The following TNRC18 variants were observed in gnomAD, a reference collection of about 807,000 sequenced individuals.
TNRC18 encodes trinucleotide repeat-containing gene 18 protein.
In TNRC18, 69 loss-of-function variants were observed where a neutral mutation model predicts 226.7. That is an observed-to-expected ratio of 0.30 (90% confidence interval 0.25 to 0.37). The LOEUF (loss-of-function observed/expected upper bound fraction) is 0.37, where lower values mean the gene tolerates loss of function less well. TNRC18 is among the 10% of genes least tolerant of loss of function. The pLI is 1.00. For missense variants in TNRC18, 4,754 were observed against 4,256.6 expected (o/e 1.12, Z -3.25); for synonymous variants, 2,449 against 1,927.6 (o/e 1.27, Z -7.09).
At chr7:5,367,275 G>T (rs546125214) in intron 11 of TNRC18, among the ~76,000 whole-genome samples, 21 of 151,980 alleles carry the variant, frequency 1.4e-4, no homozygotes, top group Non-Finnish European at 2.6e-4. Flanking sequence ...TGAGGCAGGA[G>T]AATCACCTGA....
At chr7:5,335,300 T>TGAAAAA (rs1562508489) in intron 18 of TNRC18, among the ~76,000 whole-genome samples, 2 of 10,620 alleles carry the variant, frequency 1.9e-4, no homozygotes, top group African/African-American at 3.6e-4. Flanking sequence ...AGAATCTGTC[T>TGAAAAA]CAAAAAAAAA....
chr7:5,389,237 G>A lies in TNRC18; in HGVS notation c.587C>T (p.Ala196Val). ...PGGGHSSGAP[A>V]KGSSSRDGPA... ...ACCGTCCCGCGACGACGAGCCTTTGGCCGGGGCGCCCGAGGAGTGGCCGCC... is the reference window on the plus strand; with the variant it reads ...ACCGTCCCGCGACGACGAGCCTTTGACCGGGGCGCCCGAGGAGTGGCCGCC... Residue 196 changes from alanine (A) to valine (V), a missense_variant, in exon 5 of 30, where the codon GCC becomes GTC. Transcript: ENST00000430969. The A allele has an allele frequency of 7.5e-7, 1 of 1,332,528 alleles. No individual in the cohort carries two copies. The highest frequency in any genetic ancestry group is 9.6e-7 in the Non-Finnish European group (1 of 1,043,494). 82.5% of individuals were successfully genotyped at this position (1,332,528 alleles called of 1,614,324 possible).
rs188349737 is a variant in TNRC18 at position 5,370,415 on chromosome 7, G to A, written c.4179C>T (p.Ile1393=). Residue 1393 remains isoleucine (I), a synonymous_variant, in exon 11 of 30, where the codon ATC becomes ATT. Transcript: ENST00000430969. ...FLHGITLLSE[I]AELELERRSQ... ...TCCTCCTCTCCAGCTCCAGCTCTGC[G>A]ATCTCACTTAGCAGGGTGATGCCAT... is the stretch of plus-strand genomic sequence containing the variant. 92 of 1,552,414 alleles carry A rather than the reference G, an allele frequency of 5.9e-5. No homozygotes were observed. The highest frequency in any genetic ancestry group is 9.8e-5 in the Admixed American group (5 of 51,094).
chr7:5,329,310 A>G (rs1335936404), intron 19 of TNRC18, among the ~76,000 whole-genome samples: 1 of 151,920 alleles, frequency 6.6e-6, no homozygotes, highest in Non-Finnish European at 1.5e-5. Context: ...TTTAAAAAAA[A>G]AAAAAAGATA....
rs2128099845 is a variant in TNRC18, at chr7:5,309,256, T to C, written c.8501A>G (p.Asn2834Ser). ...CAVFLSAGRP[N>S]LPYIGRIQSM... Reference sequence around the variant, plus strand: ...CTGGATGCGGCCGATGTAGGGCAGGTTGGGGCGGCCGGCAGAGAGGAACAC... The same window carrying C: ...CTGGATGCGGCCGATGTAGGGCAGGCTGGGGCGGCCGGCAGAGAGGAACAC... The change falls in exon 28 of 30, where the codon AAC (asparagine) becomes AGC (serine). Residue 2834 changes from asparagine to serine, a missense_variant. Asn to Ser is a conservative substitution (Grantham distance 46). Coordinates refer to ENST00000430969, the MANE Select transcript of TNRC18 (RefSeq NM_001080495.3). This position sits in a 1 kb window ranked among gnomAD's most constrained non-coding sequence, Gnocchi z 5.7. 5 of 1,613,840 alleles carry C rather than the reference T, an allele frequency of 3.1e-6. No individual in the cohort carries two copies. The highest frequency in any genetic ancestry group is 4.2e-6 in the Non-Finnish European group (5 of 1,179,802).
In TNRC18 at chr7:5,420,185, C is replaced by G. The variant is rs1209854887; in HGVS notation, c.187+875G>C. ...CCCGGCGCAGCGCCCGCCCGGGTACCGTCCCCACCGCGCCTGGGCAGCCCG... is the reference window on the plus strand; with the variant it reads ...CCCGGCGCAGCGCCCGCCCGGGTACGGTCCCCACCGCGCCTGGGCAGCCCG... On this transcript the variant is annotated intron_variant, in intron 2 of 29. Transcript: ENST00000430969. The G allele has an allele frequency of 2.0e-5, 7 of 343,682 alleles. No individual in the cohort carries two copies. In the East Asian group the frequency reaches 3.5e-4, roughly 17 times the overall value. The allele number at this position is 343,682 out of a possible 1,614,324, so 21.3% of individuals were successfully genotyped here.
intron 12 of TNRC18, among the ~76,000 whole-genome samples, chr7:5,362,282 C>A (rs1033255341): frequency 6.6e-6 from 1 of 152,150 alleles, no homozygotes; most frequent in Non-Finnish European, 1.5e-5. Context: ...CGTGTGACAC[C>A]TGCTCCATCA....
chr7:5,369,296 C>G (rs1448852520), intron 11 of TNRC18, among the ~76,000 whole-genome samples: 1 of 152,092 alleles, frequency 6.6e-6, no homozygotes, highest in East Asian at 1.9e-4. Context: ...CTGCAGTGAG[C>G]CGAGATGACA....
rs1404142922 is a variant in TNRC18 at position 5,307,779 on chromosome 7, C to G, written c.*327G>C. The G allele has an allele frequency of 9.9e-6, 4 of 405,032 alleles. No individual in the cohort carries two copies. Among genetic ancestry groups the G allele is most frequent in the Admixed American group, 7.7e-5 (2 of 25,974 alleles). The allele number at this position is 405,032 out of a possible 1,614,324, so 25.1% of individuals were successfully genotyped here. On this transcript the variant is annotated 3_prime_UTR_variant, in exon 30 of 30. Coordinates refer to ENST00000430969, the MANE Select transcript of TNRC18 (RefSeq NM_001080495.3). ...TGGGGGCACCCGGGCCCCCACGCAG[C>G]AGCAGCCTGGAGGGCCGGCCTGGCC...
intron 18 of TNRC18, among the ~76,000 whole-genome samples, chr7:5,333,336 T>G (rs762882590): frequency 6.6e-6 from 1 of 152,144 alleles, no homozygotes; most frequent in African/African-American, 2.4e-5. Flanking sequence ...CCCATGTGAC[T>G]TGTGGAAATC....
Position 5,377,333 on chromosome 7 carries a change from C to CCCCCAA in TNRC18, c.2461+37_2461+38insTTGGGG. 2.2e-6 allele frequency: 3 copies of CCCCCAA among 1,345,582 alleles called. No individual in the cohort carries two copies. The highest frequency in any genetic ancestry group is 3.0e-6 in the Non-Finnish European group (3 of 988,664). The allele number at this position is 1,345,582 out of a possible 1,614,324, so 83.4% of individuals were successfully genotyped here. On this transcript the variant is annotated intron_variant, in intron 7 of 29. Coordinates refer to ENST00000430969, the MANE Select transcript of TNRC18 (RefSeq NM_001080495.3). The surrounding 1 kb of genome is among the most constrained non-coding windows in gnomAD (Gnocchi z 5.8). ...CTGCACCCGCCCCCTCCCACCCCTC[C>CCCCCAA]CTCAGAGAAGGGGAGAGACCCTGTG...
intron 5 of TNRC18, among the ~76,000 whole-genome samples, chr7:5,382,746 C>T (rs1384454986): frequency 1.3e-5 from 2 of 152,156 alleles, no homozygotes; most frequent in Non-Finnish European, 2.9e-5. Flanking sequence ...CAGCTCAGGG[C>T]TCCCCGCTCA....
chr7:5,423,378 A>T (rs1194616216), intron 1 of TNRC18, 63 bp downstream of exon 1: 1 of 152,132 alleles, frequency 6.6e-6, no homozygotes, highest in African/African-American at 2.4e-5. Context: ...TTGGGGGGCG[A>T]GCTGGAGAAG....
Position 5,388,267 on chromosome 7 carries a change from G to A in TNRC18, c.1557C>T (p.Ala519=), listed in dbSNP as rs774636674. The A allele has an allele frequency of 1.5e-5, 24 of 1,609,006 alleles. No homozygotes were observed. The highest frequency in any genetic ancestry group is 2.2e-5 in the East Asian group (1 of 44,752). The change falls in exon 5 of 30, where the codon GCC becomes GCT. Residue 519 remains alanine, a synonymous_variant. Transcript: ENST00000430969. ...CGGCCAGCACGGCCATCTGCGTGGC[G>A]GCGAAGTTGCCCAGCTCGAAGGGTT... ...KWKPFELGNF[A]ATQMAVLAAQ... is the part of the protein sequence containing the mutation.
rs1276035860 is a variant in TNRC18 at position 5,308,072 on chromosome 7, T to C, written c.*34A>G. 6.5e-7 allele frequency: 1 copy of C among 1,533,848 alleles called. No individual in the cohort carries two copies. Among genetic ancestry groups the C allele is most frequent in the Non-Finnish European group, 8.8e-7 (1 of 1,135,646 alleles). On this transcript the variant is annotated 3_prime_UTR_variant, in exon 30 of 30. Transcript: ENST00000430969. ...GATGGAGATGGGTCCCTGGCCGCCC[T>C]CGGGGCACAGGTGGCCCGCAGGGCC...
rs60775950 is a variant in TNRC18 at position 5,315,243 on chromosome 7, C to T, written c.6863-95G>A. On this transcript the variant is annotated intron_variant, in intron 25 of 29. Transcript: ENST00000430969. ...CTGTCCCGGGGATCAGGGATGGGGGCGGAAGCAACCGACACCAGGTGGCTG... is the reference window on the plus strand; with the variant it reads ...CTGTCCCGGGGATCAGGGATGGGGGTGGAAGCAACCGACACCAGGTGGCTG... 13,907 of 1,341,980 alleles carry T rather than the reference C, an allele frequency of 0.01. 1,099 individuals carry two copies. The African/African-American group carries it at 0.18, about 17-fold the overall frequency. The allele number at this position is 1,341,980 out of a possible 1,614,324, so 83.1% of individuals were successfully genotyped here. A position where few individuals can be genotyped will look rare whatever the true frequency, so the allele number is the denominator to read the frequency against.
rs1370341625 is a variant in TNRC18 at position 5,388,704 on chromosome 7, A to G, written c.1120T>C (p.Phe374Leu). The G allele has an allele frequency of 2.4e-6, 3 of 1,263,276 alleles. No individual in the cohort carries two copies. Among genetic ancestry groups the G allele is most frequent in the Admixed American group, 4.5e-5 (1 of 22,466 alleles). 78.3% of individuals were successfully genotyped at this position (1,263,276 alleles called of 1,614,324 possible). A position where few individuals can be genotyped will look rare whatever the true frequency, so the allele number is the denominator to read the frequency against. Residue 374 changes from phenylalanine (F) to leucine (L), a missense_variant, in exon 5 of 30, where the codon TTC (phenylalanine) becomes CTC (leucine). Coordinates refer to ENST00000430969, the MANE Select transcript of TNRC18 (RefSeq NM_001080495.3). ...GREHRVVAPTFVPSVEAFDER... is the reference protein window; with the variant it reads ...GREHRVVAPTLVPSVEAFDER... ...TCGAAGGCCTCCACGGAAGGCACGA[A>G]GGTGGGCGCCACCACGCGGTGCTCA...
At chr7:5,370,322 C>T (rs1162707412) in intron 11 of TNRC18, 53 bp downstream of exon 11, 1 of 1,497,420 alleles carries the variant, frequency 6.7e-7, no homozygotes, top group Non-Finnish European at 8.9e-7. Context: ...GACCCCATCA[C>T]CACAAAACTA....
chr7:5,338,438 G>A (rs1481484807), intron 18 of TNRC18, among the ~76,000 whole-genome samples: 1 of 151,942 alleles, frequency 6.6e-6, no homozygotes, highest in Non-Finnish European at 1.5e-5. Flanking sequence ...TAGCAACAAA[G>A]AAGAACATTC....
Sources: gnomAD v4.1 joint callset for allele counts (sites outside exome capture counted in the v4.1 genomes callset) on GRCh38, gnomAD v4.1.1 for gene constraint, Gnocchi (gnomAD v3.1) non-coding constraint, MANE v1.5 for transcripts, NCBI Gene and HGNC (gene_info 2026-07-23, HGNC 2026-07-21) for gene names.